CCDC102B: variants seen among roughly 807,000 people sequenced by gnomAD.
The protein encoded by CCDC102B is coiled-coil domain containing 102B, also known as coiled-coil domain-containing protein 102B.
A neutral mutation model predicts 57.4 loss-of-function variants in CCDC102B; 75 were observed. That is an observed-to-expected ratio of 1.31 (90% CI 1.08 to 1.58). The LOEUF (loss-of-function observed/expected upper bound fraction) is 1.58, where lower values mean the gene tolerates loss of function less well. CCDC102B is among the 40% of genes most tolerant of loss of function. The probability of loss-of-function intolerance (pLI) is 0.00; values close to 1 mark genes in which losing one functional copy is unlikely to be tolerated. For missense variants in CCDC102B, 636 were observed against 582.6 expected (o/e 1.09, Z -0.94); for synonymous variants, 206 against 201.9 (o/e 1.02, Z -0.17).
At chr18:68,839,493 G>T (rs1022316489) in intron 3 of CCDC102B, among the ~76,000 whole-genome samples, 1 of 152,102 alleles carries the variant, frequency 6.6e-6, no homozygotes, top group South Asian at 2.1e-4. Context: ...CTATTATCTT[G>T]AAACAAACTT....
chr18:69,006,839 T>C (rs1252547551), intron 6 of CCDC102B, among the ~76,000 whole-genome samples: 1 of 152,188 alleles, frequency 6.6e-6, no homozygotes, highest in African/African-American at 2.4e-5. Flanking sequence ...ACTTGTCAAA[T>C]CTTAAAGATA....
chr18:69,052,782 T>A (rs1399424588), intron 7 of CCDC102B, among the ~76,000 whole-genome samples: 1 of 151,828 alleles, frequency 6.6e-6, no homozygotes, highest in Non-Finnish European at 1.5e-5. Context: ...CAACCACTAA[T>A]CAAAAATATT....
At chr18:68,829,675 C>T (rs1230914391) in intron 1 of CCDC102B, among the ~76,000 whole-genome samples, 2 of 151,904 alleles carry the variant, frequency 1.3e-5, no homozygotes, top group Non-Finnish European at 2.9e-5. Context: ...GAGCTTTCTC[C>T]TGTTTACCAC....
Position 68,906,839 on chromosome 18 carries a change from T to C in CCDC102B, c.1263+9411T>C, listed in dbSNP as rs2040664921. 3.3e-5 allele frequency among the ~76,000 whole-genome samples: 5 copies of C among 151,984 alleles called. No homozygotes were observed. The South Asian group carries it at 1.0e-3, about 32-fold the overall frequency. ...TTACATTTTGACGAATTCTATTTTT[T>C]TTTTTTTTTTGTCATTTATGCTTCT... On this transcript the variant is annotated intron_variant, in intron 6 of 7. Coordinates refer to ENST00000360242, the MANE Select transcript of CCDC102B (RefSeq NM_024781.3).
intron 5 of CCDC102B, among the ~76,000 whole-genome samples, chr18:68,878,431 G>A (rs150895838): frequency 1.1e-3 from 170 of 152,220 alleles, no homozygotes; most frequent in African/African-American, 3.9e-3. Flanking sequence ...CTCAAAGCAC[G>A]TTGGTCACTA....
intron 6 of CCDC102B, among the ~76,000 whole-genome samples, chr18:68,954,386 C>G (rs1423349086): frequency 6.6e-6 from 1 of 152,166 alleles, no homozygotes; most frequent in Non-Finnish European, 1.5e-5. Flanking sequence ...TGCCACTGCG[C>G]TCCAGCCTGG....
intron 6 of CCDC102B, among the ~76,000 whole-genome samples, chr18:68,976,652 A>T (rs1214451758): frequency 6.6e-6 from 1 of 151,968 alleles, no homozygotes; most frequent in Non-Finnish European, 1.5e-5. Context: ...ACATCCTATG[A>T]CCTTTTAAAC....
chr18:68,928,964 G>T (rs927479137), intron 6 of CCDC102B, among the ~76,000 whole-genome samples: 4 of 151,836 alleles, frequency 2.6e-5, no homozygotes, highest in Non-Finnish European at 5.9e-5. Context: ...CGGCAGAAAA[G>T]GTGTGCCTTT....
At chr18:68,800,039 A>G (rs1286105788) in intron 1 of CCDC102B, among the ~76,000 whole-genome samples, 3 of 151,948 alleles carry the variant, frequency 2.0e-5, no homozygotes, top group East Asian at 3.9e-4. Flanking sequence ...ACATAATAGC[A>G]TTTTCTGCTT....
chr18:68,890,005 C>A (rs1362105441), intron 5 of CCDC102B, among the ~76,000 whole-genome samples: 1 of 152,148 alleles, frequency 6.6e-6, no homozygotes, highest in East Asian at 1.9e-4. Context: ...ACAGCCCTGG[C>A]ATATCTTACT....
chr18:68,909,091 T>TA (rs539988743), intron 6 of CCDC102B, among the ~76,000 whole-genome samples: 3,920 of 78,914 alleles, frequency 0.05, 71 homozygotes, highest in African/African-American at 0.075. Flanking sequence ...TTGGCATGGT[T>TA]AAAAAAAAAA....
intron 1 of CCDC102B, among the ~76,000 whole-genome samples, chr18:68,811,599 G>C (rs2036267194): frequency 6.6e-6 from 1 of 152,132 alleles, no homozygotes. Flanking sequence ...TGGGCAACAA[G>C]AGTGAAATTT....
At position 68,791,063 on chromosome 18, in the gene CCDC102B, C is replaced by T. The variant is rs670834; in HGVS notation, c.-66-32303C>T. 3.8e-3 allele frequency among the ~76,000 whole-genome samples: 585 copies of T among 152,126 alleles called. 2 individuals carry two copies. The highest frequency in any genetic ancestry group is 0.013 in the African/African-American group (537 of 41,482). On this transcript the variant is annotated intron_variant, in intron 2 of 3. Coordinates refer to the CCDC102B transcript ENST00000578970. ...TCATACTATGTAGAGAAAATTAATCCGTATGCCTTAGCAAGTGGTGGTTCA... is the reference window on the plus strand; with the variant it reads ...TCATACTATGTAGAGAAAATTAATCTGTATGCCTTAGCAAGTGGTGGTTCA...
At chr18:68,743,907 GA>G (rs946456667) in intron 2 of CCDC102B, among the ~76,000 whole-genome samples, 3 of 152,164 alleles carry the variant, frequency 2.0e-5, no homozygotes, top group African/African-American at 4.8e-5. Flanking sequence ...AGTGTGAGCG[GA>G]AAAAGAAACT....
intron 2 of CCDC102B, among the ~76,000 whole-genome samples, chr18:68,790,173 G>A (rs2035384478): frequency 6.6e-6 from 1 of 151,170 alleles, no homozygotes; most frequent in African/African-American, 2.5e-5. Flanking sequence ...CACTTGAGGA[G>A]GCAGTCTGCC....
chr18:68,975,256 AT>A (rs1379068092), intron 6 of CCDC102B, among the ~76,000 whole-genome samples: 1 of 152,002 alleles, frequency 6.6e-6, no homozygotes, highest in Non-Finnish European at 1.5e-5. Flanking sequence ...TTATGGCTAA[AT>A]TTTCTATTCA....
At chr18:68,973,776 A>T (rs939772688) in intron 6 of CCDC102B, among the ~76,000 whole-genome samples, 27 of 152,120 alleles carry the variant, frequency 1.8e-4, no homozygotes, top group African/African-American at 6.5e-4. Flanking sequence ...CAAACAGTGT[A>T]ATTTTTCACA....
In CCDC102B at chr18:68,776,003, A is replaced by G. The variant is rs544202; in HGVS notation, c.-66-47363A>G. 3.6e-3 allele frequency among the ~76,000 whole-genome samples: 553 copies of G among 152,190 alleles called. 2 individuals carry two copies. Among genetic ancestry groups the G allele is most frequent in the African/African-American group, 0.013 (524 of 41,550 alleles). ...TGCAGAGTGATGATACTCTAATTCT[A>G]CTGTAATATATCTTTGATTATTTCT... On this transcript the variant is annotated intron_variant, in intron 2 of 3. Coordinates refer to the CCDC102B transcript ENST00000578970.
rs35451609 is a variant in CCDC102B at position 68,769,254 on chromosome 18, GA to G, written c.-67+52675del. Among the ~76,000 whole-genome samples, 560 of 116,278 alleles carry G rather than the reference GA, an allele frequency of 4.8e-3. 2 individuals carry two copies. Among genetic ancestry groups the G allele is most frequent in the Middle Eastern group, 0.014 (3 of 218 alleles). The allele number at this position is 116,278 out of a possible 152,430, so 76.3% of individuals were successfully genotyped here. On this transcript the variant is annotated intron_variant, in intron 2 of 3. Transcript: ENST00000578970. The stretch of plus-strand genomic sequence containing the variant: ...GGCAACAAGAGTGAAACTCCACCTC[GA>G]AAAAAAAAAAAAAAGATTGAATCGA...
Sources: gnomAD v4.1 joint callset for allele counts (sites outside exome capture counted in the v4.1 genomes callset) on GRCh38, gnomAD v4.1.1 for gene constraint, MANE v1.5 for transcripts, NCBI Gene and HGNC (gene_info 2026-07-23, HGNC 2026-07-21) for gene names.